The following PLPP4 variants were observed in gnomAD, a reference collection of about 807,000 sequenced individuals.
The protein encoded by PLPP4 is phospholipid phosphatase 4.
In PLPP4, 20 loss-of-function variants were observed where a neutral mutation model predicts 32.2. The observed-to-expected ratio is 0.62, with a 90% confidence interval of 0.44 to 0.90. PLPP4 has a LOEUF of 0.90. PLPP4 is among the 40% of genes least tolerant of loss of function. The probability of loss-of-function intolerance (pLI) is 0.00; values close to 1 mark genes in which losing one functional copy is unlikely to be tolerated. For missense variants in PLPP4, 257 were observed against 353.1 expected (o/e 0.73, Z 2.18); for synonymous variants, 127 against 133.0 (o/e 0.95, Z 0.31).
chr10:120,466,219 G>A (rs1433510635), intron 1 of PLPP4, among the ~76,000 whole-genome samples: 1 of 152,068 alleles, frequency 6.6e-6, no homozygotes, highest in Non-Finnish European at 1.5e-5. Context: ...TGGCAAATGG[G>A]TCCCATTCTG....
chr10:120,550,855 G>A (rs1173638612), intron 5 of PLPP4, among the ~76,000 whole-genome samples: 1 of 151,804 alleles, frequency 6.6e-6, no homozygotes, highest in Non-Finnish European at 1.5e-5. Flanking sequence ...TTCTTTAGGA[G>A]AAACACAACA....
At chr10:120,483,984 G>A (rs896994898) in intron 1 of PLPP4, among the ~76,000 whole-genome samples, 18 of 152,122 alleles carry the variant, frequency 1.2e-4, no homozygotes, top group Non-Finnish European at 2.6e-4. Context: ...AACACAAAAT[G>A]GACTAAGACA....
intron 1 of PLPP4, among the ~76,000 whole-genome samples, chr10:120,499,076 A>G (rs1346903286): frequency 6.6e-6 from 1 of 152,174 alleles, no homozygotes; most frequent in East Asian, 1.9e-4. Flanking sequence ...TTCTGTTTTT[A>G]TTGGAAGTAA....
At chr10:120,550,122 C>A (rs765861062) in intron 5 of PLPP4, among the ~76,000 whole-genome samples, 2 of 151,808 alleles carry the variant, frequency 1.3e-5, no homozygotes, top group Non-Finnish European at 2.9e-5. Flanking sequence ...TTTGCAAGAT[C>A]ATAGGATACA....
intron 1 of PLPP4, among the ~76,000 whole-genome samples, chr10:120,500,586 G>A (rs1845195661): frequency 6.8e-6 from 1 of 146,606 alleles, no homozygotes; most frequent in South Asian, 2.1e-4. Flanking sequence ...CTTCTGCCTT[G>A]TTCTGGGATA....
At chr10:120,584,472 A>G (rs1356848297) in intron 6 of PLPP4, among the ~76,000 whole-genome samples, 1 of 152,232 alleles carries the variant, frequency 6.6e-6, no homozygotes, top group Non-Finnish European at 1.5e-5. Context: ...CCTGATACGT[A>G]TGCAGTGCAT....
At chr10:120,570,101 A>G (rs1457928313) in intron 5 of PLPP4, among the ~76,000 whole-genome samples, 1 of 152,114 alleles carries the variant, frequency 6.6e-6, no homozygotes, top group Non-Finnish European at 1.5e-5. Flanking sequence ...AGGCAACCTA[A>G]TGAAAAGCTT....
chr10:120,550,165 A>C (rs2133983587), intron 5 of PLPP4, among the ~76,000 whole-genome samples: 1 of 152,126 alleles, frequency 6.6e-6, no homozygotes, highest in East Asian at 1.9e-4. Context: ...GAATATTTAT[A>C]CAATGTCAAT....
chr10:120,484,001 G>C (rs1844330589), intron 1 of PLPP4, among the ~76,000 whole-genome samples: 1 of 152,238 alleles, frequency 6.6e-6, no homozygotes, highest in Non-Finnish European at 1.5e-5. Context: ...GACAGAGGGA[G>C]AGAGAGACAA....
At chr10:120,547,724 T>C (rs1365628372) in intron 5 of PLPP4, among the ~76,000 whole-genome samples, 5 of 152,186 alleles carry the variant, frequency 3.3e-5, no homozygotes, top group Non-Finnish European at 5.9e-5. Context: ...GTGTTGGTTA[T>C]AGGACCTTCA....
At chr10:120,525,201 A>G (rs1846335965) in intron 5 of PLPP4, among the ~76,000 whole-genome samples, 1 of 152,170 alleles carries the variant, frequency 6.6e-6, no homozygotes, top group Admixed American at 6.5e-5. Flanking sequence ...CATGGCCCAC[A>G]AAACTGAAAA....
intron 3 of PLPP4, among the ~76,000 whole-genome samples, chr10:120,516,169 G>C (rs1041080523): frequency 6.6e-6 from 1 of 152,078 alleles, no homozygotes. Flanking sequence ...CGGAAGTAGC[G>C]GGTGGGAGTG....
intron 5 of PLPP4, among the ~76,000 whole-genome samples, chr10:120,530,366 T>A (rs1259399842): frequency 6.6e-6 from 1 of 152,242 alleles, no homozygotes; most frequent in Non-Finnish European, 1.5e-5. Context: ...TTTTAAACTT[T>A]AGATTAGTTT....
At chr10:120,471,365 GTTCTTTGCTACCC>G (rs896639284) in intron 1 of PLPP4, among the ~76,000 whole-genome samples, 89 of 151,762 alleles carry the variant, frequency 5.9e-4, no homozygotes, top group African/African-American at 2.0e-3. Context: ...TAGCTCAAGT[GTTCTTTGCTACCC>G]TTCTTTTTTA....
At chr10:120,536,496 A>G (rs1847025302) in intron 5 of PLPP4, among the ~76,000 whole-genome samples, 1 of 152,066 alleles carries the variant, frequency 6.6e-6, no homozygotes, top group African/African-American at 2.4e-5. Context: ...TGCAAAAACA[A>G]GTGAAATTGG....
intron 1 of PLPP4, among the ~76,000 whole-genome samples, chr10:120,498,179 T>C (rs1845060561): frequency 1.3e-5 from 2 of 152,228 alleles, no homozygotes; most frequent in Non-Finnish European, 2.9e-5. Context: ...TTTACTGTAG[T>C]AGTAACTTTG....
chr10:120,522,845 A>C (rs759491993), intron 5 of PLPP4, among the ~76,000 whole-genome samples: 4 of 152,238 alleles, frequency 2.6e-5, no homozygotes, highest in African/African-American at 9.6e-5. Context: ...TCCTTTCGCT[A>C]TGTGTATTTT....
intron 5 of PLPP4, among the ~76,000 whole-genome samples, chr10:120,531,120 T>A (rs1481233897): frequency 1.4e-5 from 2 of 144,236 alleles, no homozygotes; most frequent in East Asian, 4.1e-4. Flanking sequence ...GACGGAGTCT[T>A]GCTTTGTCAC....
chr10:120,493,603 G>T (rs923613518), intron 1 of PLPP4, among the ~76,000 whole-genome samples: 4 of 152,166 alleles, frequency 2.6e-5, no homozygotes, highest in African/African-American at 9.7e-5. Context: ...TGGATAGATG[G>T]ATGACATCTC....
Sources: gnomAD v4.1 joint callset for allele counts (sites outside exome capture counted in the v4.1 genomes callset) on GRCh38, gnomAD v4.1.1 for gene constraint, MANE v1.5 for transcripts, NCBI Gene and HGNC (gene_info 2026-07-23, HGNC 2026-07-21) for gene names.